The following CFAP54 variants were observed in gnomAD, a reference collection of about 807,000 sequenced individuals.
CFAP54 encodes cilia- and flagella-associated protein 54.
A neutral mutation model predicts 370.4 loss-of-function variants in CFAP54; 290 were observed. That is an observed-to-expected ratio of 0.78 (90% CI 0.71 to 0.86). The LOEUF (loss-of-function observed/expected upper bound fraction) is 0.86. Among genes scored for constraint, CFAP54 ranks in the 40% least tolerant of loss-of-function variants. The pLI is 0.00. For synonymous variants in CFAP54, 1,206 were observed against 1,236.5 expected (o/e 0.98, Z 0.52); for missense variants, 3,399 against 3,528.7 (o/e 0.96, Z 0.93).
At position 96,506,127 on chromosome 12, in the gene CFAP54, C is replaced by T. The variant is rs1015338425; in HGVS notation, c.568-801C>T. Among the ~76,000 whole-genome samples the T allele has an allele frequency of 5.9e-5, 9 of 152,066 alleles. No individual in the cohort carries two copies. In the East Asian group the frequency reaches 1.7e-3, roughly 29 times the overall value. ...GGCCGAGGCAGGCGGATCACGAGGT[C>T]AGGAGATCGAGACCATCCTGGCTAA... is the stretch of plus-strand genomic sequence containing the variant. On this transcript the variant is annotated intron_variant, in intron 3 of 67. Transcript: ENST00000524981.
At chr12:96,692,279 C>T (rs745661608) in intron 44 of CFAP54, among the ~76,000 whole-genome samples, 15 of 152,006 alleles carry the variant, frequency 9.9e-5, no homozygotes, top group Non-Finnish European at 1.8e-4. Flanking sequence ...AAAATGGTGC[C>T]CCTCTCACTG....
intron 32 of CFAP54, among the ~76,000 whole-genome samples, chr12:96,630,890 A>G (rs1236351055): frequency 6.6e-6 from 1 of 152,044 alleles, no homozygotes; most frequent in South Asian, 2.1e-4. Flanking sequence ...TTGGCTTGGC[A>G]TGAAGGTGGT....
At chr12:96,839,395 G>A (rs1384407231) in intron 66 of CFAP54, among the ~76,000 whole-genome samples, 1 of 152,184 alleles carries the variant, frequency 6.6e-6, no homozygotes, top group Non-Finnish European at 1.5e-5. Flanking sequence ...CTTACAAGTA[G>A]ATTTAATTCC....
chr12:96,822,517 A>C (rs566106146), intron 65 of CFAP54, among the ~76,000 whole-genome samples: 51 of 152,296 alleles, frequency 3.3e-4, no homozygotes, highest in African/African-American at 1.2e-3. Context: ...AACTATTTCC[A>C]GGCTTGAGGA....
intron 58 of CFAP54, among the ~76,000 whole-genome samples, chr12:96,760,541 A>C (rs7299841): frequency 8.6e-5 from 13 of 151,932 alleles, no homozygotes; most frequent in African/African-American, 3.1e-4. Flanking sequence ...GAGTTTATTT[A>C]AGTTTTTCTG....
rs1837685270 is a variant in CFAP54, at chr12:96,784,847, C to A, written c.8412C>A (p.Tyr2804Ter). The change falls in exon 61 of 68, where the codon TAC (tyrosine) becomes TAA (stop). Residue 2804 changes from tyrosine to a stop codon, truncating the protein, a stop_gained. Transcript: ENST00000524981. LOFTEE classifies it high-confidence loss of function. ...TTACATGGATCCTTCTACTGCGCTA[C>A]TATATTCACCTTCAGAGGATTAATA... ...VDITWILLLR[Y>*]YIHLQRINNL... is the part of the protein sequence containing the mutation. 5 of 1,531,520 alleles carry A rather than the reference C, an allele frequency of 3.3e-6. No individual in the cohort carries two copies. The East Asian group carries it at 7.4e-5, about 23-fold the overall frequency. The allele number at this position is 1,531,520 out of a possible 1,614,324, so 94.9% of individuals were successfully genotyped here. A position where few individuals can be genotyped will look rare whatever the true frequency, so the allele number is the denominator to read the frequency against.
intron 1 of CFAP54, 93 bp downstream of exon 1, chr12:96,490,019 T>C: frequency 8.0e-7 from 1 of 1,253,244 alleles, no homozygotes; most frequent in Non-Finnish European, 1.1e-6. Flanking sequence ...CAGAGATGGT[T>C]CAGCGTTGCG....
At chr12:96,613,918 G>A (rs1409571760) in intron 26 of CFAP54, among the ~76,000 whole-genome samples, 2 of 151,308 alleles carry the variant, frequency 1.3e-5, no homozygotes, top group Non-Finnish European at 3.0e-5. Flanking sequence ...ATTCACAGCC[G>A]AATTCTACCA....
At chr12:96,592,728 C>G in intron 24 of CFAP54, 91 bp downstream of exon 24, 1 of 413,680 alleles carries the variant, frequency 2.4e-6, no homozygotes, top group Non-Finnish European at 4.2e-6. Flanking sequence ...GATTGCATAG[C>G]TTGTCTGGTG....
intron 47 of CFAP54, 46 bp from the exon 48 acceptor site, chr12:96,708,562 A>G: frequency 6.7e-7 from 1 of 1,497,590 alleles, no homozygotes; most frequent in Non-Finnish European, 9.1e-7. Flanking sequence ...AATATCTGAA[A>G]AAGTATTTTT....
chr12:96,793,594 T>C (rs1178059421), intron 63 of CFAP54, among the ~76,000 whole-genome samples: 1 of 152,186 alleles, frequency 6.6e-6, no homozygotes, highest in Admixed American at 6.5e-5. Context: ...CTAGATCAAA[T>C]GGTAGATCTA....
chr12:96,791,851 CTTTT>C (rs112115771), intron 62 of CFAP54, among the ~76,000 whole-genome samples: 1 of 134,464 alleles, frequency 7.4e-6, no homozygotes, highest in Non-Finnish European at 1.6e-5. Flanking sequence ...ATTTTTTTTT[CTTTT>C]TTTTTTTTTT....
intron 35 of CFAP54, among the ~76,000 whole-genome samples, chr12:96,650,714 C>T (rs1212148799): frequency 6.6e-6 from 1 of 152,114 alleles, no homozygotes; most frequent in African/African-American, 2.4e-5. Context: ...GAAATCTATC[C>T]TTTCTAGATA....
At chr12:96,805,154 A>T (rs1464084935) in intron 63 of CFAP54, among the ~76,000 whole-genome samples, 1 of 152,114 alleles carries the variant, frequency 6.6e-6, no homozygotes, top group African/African-American at 2.4e-5. Flanking sequence ...AAGAAAACCT[A>T]AAAAATTCTC....
intron 32 of CFAP54, among the ~76,000 whole-genome samples, chr12:96,632,103 T>C (rs1002813929): frequency 3.2e-4 from 49 of 152,134 alleles, no homozygotes; most frequent in Middle Eastern, 3.4e-3. Context: ...GTTAGGCATC[T>C]TTTCATATTT....
intron 60 of CFAP54, among the ~76,000 whole-genome samples, chr12:96,768,710 C>CA (rs1178623751): frequency 6.6e-6 from 1 of 151,866 alleles, no homozygotes; most frequent in African/African-American, 2.4e-5. Flanking sequence ...CAAAAACAAA[C>CA]AAAAAAAGAA....
intron 38 of CFAP54, among the ~76,000 whole-genome samples, chr12:96,659,344 G>A (rs974182430): frequency 6.6e-6 from 1 of 152,122 alleles, no homozygotes; most frequent in Non-Finnish European, 1.5e-5. Context: ...ATGTTGGCCA[G>A]GCTGGTCTCA....
At chr12:96,792,129 C>T (rs530592576) in intron 62 of CFAP54, among the ~76,000 whole-genome samples, 200 bp from the exon 63 acceptor site, 51 of 152,086 alleles carry the variant, frequency 3.4e-4, no homozygotes, top group Non-Finnish European at 5.7e-4. Flanking sequence ...GGATTACAGG[C>T]GTCAGCCACC....
chr12:96,623,847 G>A lies in CFAP54; in HGVS notation c.3852G>A (p.Leu1284=). 1.3e-6 allele frequency: 2 copies of A among 1,535,496 alleles called. No homozygotes were observed. Among genetic ancestry groups the A allele is most frequent in the Non-Finnish European group, 1.7e-6 (2 of 1,146,482 alleles). ...LPEKINEQLA[L]LETHLLKLTK... Reference sequence around the variant, plus strand: ...AAAAGATAAATGAACAGCTGGCCTTGTTGGAGACACACCTACTCAAACTGA... The same window carrying A: ...AAAAGATAAATGAACAGCTGGCCTTATTGGAGACACACCTACTCAAACTGA... The change falls in exon 28 of 68, where the codon TTG becomes TTA. Residue 1284 remains leucine, a synonymous_variant. Transcript: ENST00000524981.
Sources: gnomAD v4.1 joint callset for allele counts (sites outside exome capture counted in the v4.1 genomes callset) on GRCh38, gnomAD v4.1.1 for gene constraint, MANE v1.5 for transcripts, NCBI Gene and HGNC (gene_info 2026-07-23, HGNC 2026-07-21) for gene names.